Variants in CDC42BPA observed in about 807,000 individuals in gnomAD.
The protein encoded by CDC42BPA is CDC42 binding protein kinase alpha, also known as serine/threonine-protein kinase MRCK alpha.
In CDC42BPA, 80 loss-of-function variants were observed where a neutral mutation model predicts 223.5. The observed-to-expected ratio is 0.36, with a 90% CI of 0.30 to 0.43. The LOEUF is 0.43. Ranked by LOEUF, CDC42BPA falls within the 20% of genes least tolerant of loss-of-function variation. CDC42BPA has a pLI of 1.00. For missense variants in CDC42BPA, 1,743 were observed against 2,099.9 expected, an observed-to-expected ratio of 0.83 and a Z score of 3.32; for synonymous variants, 694 against 718.6, an observed-to-expected ratio of 0.97 and a Z score of 0.55.
chr1:227,181,590 T>C (rs1667946973), intron 5 of CDC42BPA, among the ~76,000 whole-genome samples: 1 of 152,224 alleles, frequency 6.6e-6, no homozygotes, highest in Non-Finnish European at 1.5e-5. Flanking sequence ...CAGCTTTTTG[T>C]TTTAAACCTG....
At chr1:227,223,987 T>C (rs1220600414) in intron 2 of CDC42BPA, among the ~76,000 whole-genome samples, 1 of 152,198 alleles carries the variant, frequency 6.6e-6, no homozygotes, top group Non-Finnish European at 1.5e-5. Context: ...AGGTAGGCTA[T>C]GATGGTTAGG....
intron 14 of CDC42BPA, chr1:227,112,054 T>C (rs1024727154): frequency 2.7e-5 from 8 of 293,190 alleles, no homozygotes; most frequent in Non-Finnish European, 5.0e-5. Flanking sequence ...CCAGTACATC[T>C]TGTGTAGGTC....
chr1:227,006,706 G>A (rs1222058172), intron 34 of CDC42BPA, among the ~76,000 whole-genome samples: 1 of 152,176 alleles, frequency 6.6e-6, no homozygotes, highest in African/African-American at 2.4e-5. Context: ...GGAGACTGAG[G>A]TGGGCAGATC....
rs766040981 is a variant in CDC42BPA, at chr1:227,029,255, A to G, written c.3839-5T>C. ...TGTCACCAACTCTAATAATTTCTAA[A>G]CACAGAAAGAATAATAAATCAAAAT... On this transcript the variant is annotated splice_polypyrimidine_tract_variant and splice_region_variant and intron_variant, in intron 29 of 36. Coordinates refer to ENST00000366766, the MANE Select transcript of CDC42BPA (RefSeq NM_001394014.1). The G allele has an allele frequency of 4.6e-6, 7 of 1,508,180 alleles. No homozygotes were observed. The East Asian group carries it at 1.6e-4, about 34-fold the overall frequency. The allele number at this position is 1,508,180 out of a possible 1,614,324, so 93.4% of individuals were successfully genotyped here. A position where few individuals can be genotyped will look rare whatever the true frequency, so the allele number is the denominator to read the frequency against.
At chr1:227,174,041 T>C (rs1461432174) in intron 5 of CDC42BPA, among the ~76,000 whole-genome samples, 2 of 152,148 alleles carry the variant, frequency 1.3e-5, no homozygotes, top group Non-Finnish European at 2.9e-5. Context: ...TTCCTAATTG[T>C]GCACATCCTG....
chr1:227,145,540 GC>G lies in CDC42BPA; in HGVS notation c.1091del (p.Ser364ThrfsTer10), dbSNP rs1558606676. The G allele has an allele frequency of 1.4e-5, 22 of 1,613,130 alleles. No individual in the cohort carries two copies. Among genetic ancestry groups the G allele is most frequent in the Non-Finnish European group, 1.9e-5 (22 of 1,179,390 alleles). On this transcript the variant is annotated frameshift_variant, in exon 8 of 37. Transcript: ENST00000366766. LOFTEE classifies it high-confidence loss of function. Reference sequence around the variant, plus strand: ...CATCAAAATTCGATGTATCTGTTGGGCTACTAACTTCTGGAATATAAGGTGC... The same window carrying G: ...CATCAAAATTCGATGTATCTGTTGGGTACTAACTTCTGGAATATAAGGTGC... ...CEAPYIPEVS[S>X]PTDTSNFDVD...
At chr1:227,006,027 A>G (rs1426769835) in intron 34 of CDC42BPA, among the ~76,000 whole-genome samples, 1 of 152,202 alleles carries the variant, frequency 6.6e-6, no homozygotes, top group Non-Finnish European at 1.5e-5. Context: ...CAGAGGAGGG[A>G]AAAATATTTT....
intron 1 of CDC42BPA, among the ~76,000 whole-genome samples, chr1:227,294,450 A>G (rs181322693): frequency 1.3e-5 from 2 of 152,308 alleles, no homozygotes; most frequent in Admixed American, 6.5e-5. Context: ...GGAATTCACT[A>G]CATGTTGGGC....
intron 15 of CDC42BPA, among the ~76,000 whole-genome samples, chr1:227,098,988 T>A (rs1465693113): frequency 6.6e-6 from 1 of 152,112 alleles, no homozygotes; most frequent in African/African-American, 2.4e-5. Flanking sequence ...TATAATCTTA[T>A]GGGAACACTA....
At chr1:227,263,559 A>C (rs1337574185) in intron 1 of CDC42BPA, among the ~76,000 whole-genome samples, 2 of 151,294 alleles carry the variant, frequency 1.3e-5, no homozygotes, top group African/African-American at 4.9e-5. Context: ...AACCTTGCTG[A>C]TATCTCATTA....
chr1:227,126,177 G>A (rs1689548974), intron 11 of CDC42BPA, among the ~76,000 whole-genome samples: 2 of 152,102 alleles, frequency 1.3e-5, no homozygotes, highest in South Asian at 4.2e-4. Context: ...ACTGCTAGTT[G>A]CCATGCTCTC....
chr1:227,133,219 G>A (rs1258348512), intron 10 of CDC42BPA, among the ~76,000 whole-genome samples: 22 of 149,770 alleles, frequency 1.5e-4, no homozygotes, highest in Middle Eastern at 3.4e-3. Flanking sequence ...AGGTGGGGGG[G>A]TCAGCCCCCC....
chr1:227,033,340 T>C lies in CDC42BPA; in HGVS notation c.3552A>G (p.Ile1184Met). ...TTACAGCATACACACTTACCCTAAA[T>C]ATACAGGGTATATCTTTCCGACTTG... Reference protein sequence around the residue: ...IHASRKDIPCIFRVTASQLSA... With the variant: ...IHASRKDIPCMFRVTASQLSA... The change falls in exon 27 of 37, where the codon ATA (isoleucine) becomes ATG (methionine). Residue 1184 changes from isoleucine to methionine, a missense_variant. This residue lies in a region of CDC42BPA where 678 missense variants were observed against 777.5 expected (regional missense o/e 0.87). Transcript: ENST00000366766. The C allele has an allele frequency of 6.2e-7, 1 of 1,603,060 alleles. No homozygotes were observed.
intron 2 of CDC42BPA, among the ~76,000 whole-genome samples, chr1:227,236,548 C>CCTT (rs10639263): frequency 0.83 from 126,395 of 151,948 alleles, 52,715 homozygotes; most frequent in South Asian, 0.88. Flanking sequence ...AATTATTAAA[C>CCTT]CTTTTTAAAT....
chr1:227,025,034 G>T (rs1387943228), intron 31 of CDC42BPA, among the ~76,000 whole-genome samples: 2 of 152,192 alleles, frequency 1.3e-5, no homozygotes, highest in African/African-American at 4.8e-5. Context: ...CTTGAGGTAA[G>T]AAGTTCGAGG....
intron 1 of CDC42BPA, among the ~76,000 whole-genome samples, chr1:227,254,639 T>A (rs1045961288): frequency 6.6e-6 from 1 of 152,212 alleles, no homozygotes; most frequent in Admixed American, 6.5e-5. Flanking sequence ...TGGCAATGAC[T>A]GGAGTTTTTA....
chr1:227,060,716 A>AGTTTTTTTTTTTTTTTTTTTTTTTTT (rs1373925166), intron 21 of CDC42BPA, among the ~76,000 whole-genome samples: 2 of 126,526 alleles, frequency 1.6e-5, no homozygotes, highest in Non-Finnish European at 1.6e-5. Context: ...GTAAATAGGT[A>AGTTTTTTTTTTTTTTTTTTTTTTTTT]CTTTTTTTTT....
intron 21 of CDC42BPA, among the ~76,000 whole-genome samples, chr1:227,060,846 C>T (rs757990693): frequency 2.3e-4 from 35 of 150,978 alleles, no homozygotes; most frequent in East Asian, 5.9e-4. Context: ...CTCAGACTCC[C>T]GAGTAGCTGT....
chr1:227,095,664 T>C (rs1389923754), intron 15 of CDC42BPA, among the ~76,000 whole-genome samples: 1 of 149,714 alleles, frequency 6.7e-6, no homozygotes, highest in African/African-American at 2.5e-5. Flanking sequence ...CGATCTCAGC[T>C]CACTGCAATC....
Sources: allele counts gnomAD v4.1 joint callset (sites outside exome capture counted in the v4.1 genomes callset), GRCh38; gene constraint gnomAD v4.1.1; regional missense constraint gnomAD v4.1.1; transcripts MANE v1.5; gene names NCBI Gene and HGNC (gene_info 2026-07-23, HGNC 2026-07-21).